Variants in TOX4 observed in about 807,000 individuals in gnomAD.
TOX4 encodes the protein TOX high mobility group box family member 4, also known as epidermal Langerhans cell protein LCP1.
Under a neutral mutation model 61.0 loss-of-function variants are expected in TOX4, and 12 were observed. The ratio of observed to expected loss-of-function variants is 0.20; its 90% CI spans 0.13 to 0.32. TOX4 has a LOEUF of 0.32. Among genes scored for constraint, TOX4 ranks in the 10% least tolerant of loss-of-function variants. TOX4 has a pLI of 1.00. For missense variants in TOX4, 499 were observed against 753.3 expected (o/e 0.66, Z 3.95); for synonymous variants, 268 against 274.8 (o/e 0.98, Z 0.24).
chr14:21,492,455 A>G, intron 6 of TOX4, 53 bp from the exon 7 acceptor site: 1 of 1,610,998 alleles, frequency 6.2e-7, no homozygotes, highest in Non-Finnish European at 8.5e-7. Flanking sequence ...TTTAAGAAGT[A>G]AATACCACCA....
chr14:21,498,784 T>C lies in TOX4; in HGVS notation c.*2178T>C, dbSNP rs1187718312. On this transcript the variant is annotated 3_prime_UTR_variant, in exon 9 of 9. Coordinates refer to ENST00000448790, the MANE Select transcript of TOX4 (RefSeq NM_014828.4). The stretch of plus-strand genomic sequence containing the variant: ...ATCACAGAATGGCTGAGGAAGATCC[T>C]TGGGTTGTGAAGAGAGTAGAAACCC... 3 of 512,288 alleles carry C rather than the reference T, an allele frequency of 5.9e-6. No homozygotes were observed. Among genetic ancestry groups the C allele is most frequent in the East Asian group, 3.3e-5 (1 of 30,204 alleles). 31.7% of individuals were successfully genotyped at this position (512,288 alleles called of 1,614,324 possible).
rs781061194 is a variant in TOX4 at position 21,488,691 on chromosome 14, G to A, written c.420G>A (p.Gln140=). The change falls in exon 4 of 9, where the codon CAG becomes CAA. Residue 140 remains glutamine (Q), a synonymous_variant. Coordinates refer to ENST00000448790, the MANE Select transcript of TOX4 (RefSeq NM_014828.4). The stretch of plus-strand genomic sequence containing the variant: ...CATCTGGCTTGATGGGGCATAGCCA[G>A]TTGACCACCATTGATCAGTCAGAAC... ...DMTSGLMGHS[Q]LTTIDQSELS... is the part of the protein sequence containing the mutation. 1 of 1,614,200 alleles carries A rather than the reference G, an allele frequency of 6.2e-7. No homozygotes were observed. Among genetic ancestry groups the A allele is most frequent in the Middle Eastern group, 1.6e-4 (1 of 6,062 alleles).
At position 21,498,206 on chromosome 14, in the gene TOX4, T is replaced by C. The variant is rs1891454408; in HGVS notation, c.*1600T>C. The C allele has an allele frequency of 9.7e-7, 1 of 1,034,132 alleles. No homozygotes were observed. Among genetic ancestry groups the C allele is most frequent in the Non-Finnish European group, 1.5e-6 (1 of 654,902 alleles). The allele number at this position is 1,034,132 out of a possible 1,614,324, so 64.1% of individuals were successfully genotyped here. A position where few individuals can be genotyped will look rare whatever the true frequency, so the allele number is the denominator to read the frequency against. On this transcript the variant is annotated 3_prime_UTR_variant, in exon 9 of 9. Coordinates refer to ENST00000448790, the MANE Select transcript of TOX4 (RefSeq NM_014828.4). The stretch of plus-strand genomic sequence containing the variant: ...TATTGTACAAATATCACTCTTCAGG[T>C]TTAGCTTACAGAGCCATGGCTATGG...
At position 21,477,469 on chromosome 14, in the gene TOX4, T is replaced by A. The variant is rs1175753057; in HGVS notation, c.7-27T>A. 1.9e-6 allele frequency: 3 copies of A among 1,612,806 alleles called. No homozygotes were observed. The South Asian group carries it at 3.3e-5, about 18-fold the overall frequency. ...CTGACTCCCTGCTCCCCCTAACTTA[T>A]CCCCGCGACTTTCTTTTGGTTTCCA... On this transcript the variant is annotated intron_variant, in intron 1 of 8. Coordinates refer to ENST00000448790, the MANE Select transcript of TOX4 (RefSeq NM_014828.4).
chr14:21,493,379 C>T lies in TOX4; in HGVS notation c.1641+122C>T. The stretch of plus-strand genomic sequence containing the variant: ...CCCAGCAACCAGGAGCACAAAACAT[C>T]CTGCAGATGGGAGTTCCTTGCAGCA... On this transcript the variant is annotated intron_variant, in intron 7 of 8. Transcript: ENST00000448790. 4 of 1,090,014 alleles carry T rather than the reference C, an allele frequency of 3.7e-6. No individual in the cohort carries two copies. The South Asian group carries it at 6.7e-5, about 18-fold the overall frequency. 67.5% of individuals were successfully genotyped at this position (1,090,014 alleles called of 1,614,324 possible).
intron 5 of TOX4, among the ~76,000 whole-genome samples, chr14:21,491,362 A>AT (rs1241264558): frequency 4.0e-5 from 6 of 151,678 alleles, no homozygotes; most frequent in Non-Finnish European, 7.4e-5. Context: ...TTTTGTATTT[A>AT]TTTATTTATT....
rs1358489510 is a variant in TOX4 at position 21,492,560 on chromosome 14, C to T, written c.944C>T (p.Ser315Phe). ...LDPAPPSQTP[S>F]PPPMATVDPA... ...CCAGCACCACCATCACAAACTCCTTCTCCACCTCCTATGGCTACTGTTGAC... is the reference window on the plus strand; with the variant it reads ...CCAGCACCACCATCACAAACTCCTTTTCCACCTCCTATGGCTACTGTTGAC... Residue 315 changes from serine (S) to phenylalanine (F), a missense_variant, in exon 7 of 9, where the codon TCT (serine) becomes TTT (phenylalanine). Coordinates refer to ENST00000448790, the MANE Select transcript of TOX4 (RefSeq NM_014828.4). The T allele has an allele frequency of 1.2e-6, 2 of 1,614,010 alleles. No individual in the cohort carries two copies. Among genetic ancestry groups the T allele is most frequent in the Non-Finnish European group, 1.7e-6 (2 of 1,180,004 alleles).
chr14:21,489,450 A>C (rs770280049), intron 5 of TOX4, 47 bp downstream of exon 5: 1 of 1,523,858 alleles, frequency 6.6e-7, no homozygotes, highest in Non-Finnish European at 8.9e-7. Flanking sequence ...AGAAGTTTTT[A>C]AAGAGATAAA....
intron 7 of TOX4, among the ~76,000 whole-genome samples, chr14:21,494,968 A>G (rs1314255915): frequency 7.1e-6 from 1 of 141,204 alleles, no homozygotes; most frequent in Non-Finnish European, 1.6e-5. Context: ...TTGACTAGCC[A>G]GGCTTAACAG....
Position 21,477,269 on chromosome 14 carries a change from TTG to T in TOX4, c.-5_-4del, listed in dbSNP as rs767368798. The T allele has an allele frequency of 9.3e-6, 15 of 1,613,530 alleles. No individual in the cohort carries two copies. The highest frequency in any genetic ancestry group is 1.3e-5 in the Non-Finnish European group (15 of 1,179,872). On this transcript the variant is annotated 5_prime_UTR_variant, in exon 1 of 9. Transcript: ENST00000448790. ...TGAGGGTCTGAGACGGTGGGAGCGG[TTG>T]TGTGAAGATGGAGGTAGGAACCTGA...
At chr14:21,483,686 AAAC>A (rs1435705718) in intron 2 of TOX4, among the ~76,000 whole-genome samples, 3 of 152,106 alleles carry the variant, frequency 2.0e-5, no homozygotes, top group Non-Finnish European at 4.4e-5. Flanking sequence ...GAATTAAAAA[AAAC>A]AACAACAAAA....
intron 1 of TOX4, 54 bp from the exon 2 acceptor site, chr14:21,477,442 A>C: frequency 6.2e-7 from 1 of 1,611,606 alleles, no homozygotes; most frequent in South Asian, 1.1e-5. Flanking sequence ...CATCGCTCCA[A>C]GCTGACTCCC....
intron 3 of TOX4, 167 bp downstream of exon 3, chr14:21,487,860 T>C (rs1891215105): frequency 8.9e-6 from 6 of 673,858 alleles, no homozygotes; most frequent in Non-Finnish European, 1.3e-5. Context: ...AAATTTACCA[T>C]GTAGGTAGAT....
At chr14:21,484,329 C>CTTTT (rs533570141) in intron 2 of TOX4, among the ~76,000 whole-genome samples, 4 of 44,210 alleles carry the variant, frequency 9.0e-5, no homozygotes, top group African/African-American at 3.3e-4. Context: ...CTAGCAATGT[C>CTTTT]TTTTTTTTTT....
chr14:21,496,426 C>T (rs1476663694), intron 8 of TOX4, 120 bp from the exon 9 acceptor site: 13 of 823,860 alleles, frequency 1.6e-5, no homozygotes. Context: ...ACTCGGGAGG[C>T]TAAGGCAGGA....
intron 5 of TOX4, among the ~76,000 whole-genome samples, chr14:21,490,475 C>G (rs1566483545): frequency 6.6e-6 from 1 of 152,088 alleles, no homozygotes; most frequent in Non-Finnish European, 1.5e-5. Flanking sequence ...AACTCCATCT[C>G]AAAAAATAAT....
intron 4 of TOX4, 93 bp downstream of exon 4, chr14:21,488,943 C>T (rs897671456): frequency 2.1e-5 from 32 of 1,526,926 alleles, no homozygotes; most frequent in African/African-American, 6.8e-5. Context: ...TTACCCTTGC[C>T]GTGCCATCTC....
At position 21,485,840 on chromosome 14, in the gene TOX4, T is replaced by C. The variant is rs370127075; in HGVS notation, c.76-1611T>C. On this transcript the variant is annotated intron_variant, in intron 2 of 8. Coordinates refer to ENST00000448790, the MANE Select transcript of TOX4 (RefSeq NM_014828.4). ...AAGATCGCGCCACTGCACTCCAGCC[T>C]GGGCCACGGAGCGAGACTCTGTCTC... 2.2e-5 allele frequency among the ~76,000 whole-genome samples: 2 copies of C among 89,850 alleles called. 1 individual carries two copies. The highest frequency in any genetic ancestry group is 7.8e-4 in the East Asian group (2 of 2,554). The allele number at this position is 89,850 out of a possible 152,430, so 58.9% of individuals were successfully genotyped here. A position where few individuals can be genotyped will look rare whatever the true frequency, so the allele number is the denominator to read the frequency against.
chr14:21,489,070 T>C, intron 4 of TOX4, 103 bp from the exon 5 acceptor site: 1 of 1,330,758 alleles, frequency 7.5e-7, no homozygotes, highest in Non-Finnish European at 1.0e-6. Context: ...ATGCTATTTC[T>C]ATGATTTTTA....
Sources: gnomAD v4.1 joint callset for allele counts (sites outside exome capture counted in the v4.1 genomes callset) on GRCh38, gnomAD v4.1.1 for gene constraint, MANE v1.5 for transcripts, NCBI Gene and HGNC (gene_info 2026-07-23, HGNC 2026-07-21) for gene names.